The following PTPRT variants were observed in gnomAD, a reference collection of about 807,000 sequenced individuals.
PTPRT encodes the protein receptor-type tyrosine-protein phosphatase T.
Under a neutral mutation model 176.8 loss-of-function variants are expected in PTPRT, and 56 were observed. The ratio of observed to expected loss-of-function variants is 0.32; its 90% CI spans 0.26 to 0.40. PTPRT has a LOEUF of 0.40. Among genes scored for constraint, PTPRT ranks in the 10% least tolerant of loss-of-function variants. The probability of loss-of-function intolerance (pLI) is 1.00; values close to 1 mark genes in which losing one functional copy is unlikely to be tolerated. For missense variants in PTPRT, 1,540 were observed against 1,908.2 expected (o/e 0.81, Z 3.60); for synonymous variants, 783 against 739.0 (o/e 1.06, Z -0.96).
chr20:42,425,384 G>C (rs1214131034), intron 9 of PTPRT, among the ~76,000 whole-genome samples: 1 of 152,194 alleles, frequency 6.6e-6, no homozygotes, highest in Non-Finnish European at 1.5e-5. Context: ...GAATTTTTAA[G>C]TTCCAAATGT....
intron 7 of PTPRT, among the ~76,000 whole-genome samples, chr20:42,543,051 G>A (rs1403867580): frequency 1.3e-5 from 2 of 152,232 alleles, no homozygotes; most frequent in East Asian, 3.8e-4. Context: ...TTGTCTCGAT[G>A]TTGATGGCTG....
intron 3 of PTPRT, among the ~76,000 whole-genome samples, chr20:42,787,749 A>T (rs990137757): frequency 2.0e-5 from 3 of 152,216 alleles, no homozygotes; most frequent in Non-Finnish European, 4.4e-5. Context: ...CCTTAGTATT[A>T]TAAAAAGTAA....
At chr20:43,011,444 A>ACC (rs1985118189) in intron 1 of PTPRT, among the ~76,000 whole-genome samples, 1 of 152,222 alleles carries the variant, frequency 6.6e-6, no homozygotes, top group African/African-American at 2.4e-5. Flanking sequence ...GCCAGAAGTA[A>ACC]GACCCACCAG....
intron 17 of PTPRT, among the ~76,000 whole-genome samples, chr20:42,158,551 CTT>C (rs1989454036): frequency 6.6e-6 from 1 of 152,090 alleles, no homozygotes. Context: ...GCTCAGGAGT[CTT>C]TTATCTGCAA....
intron 6 of PTPRT, among the ~76,000 whole-genome samples, chr20:42,754,595 C>T (rs2076804902): frequency 6.6e-6 from 1 of 152,180 alleles, no homozygotes; most frequent in African/African-American, 2.4e-5. Flanking sequence ...ACAAATTAAT[C>T]TTATGGCATC....
chr20:43,143,434 A>C (rs941556141), intron 1 of PTPRT, among the ~76,000 whole-genome samples: 1 of 152,188 alleles, frequency 6.6e-6, no homozygotes, highest in Non-Finnish European at 1.5e-5. Flanking sequence ...GCATTCATTC[A>C]TTCAACAAAA....
intron 14 of PTPRT, among the ~76,000 whole-genome samples, chr20:42,247,250 C>T (rs1315027967): frequency 6.6e-6 from 1 of 152,102 alleles, no homozygotes; most frequent in Non-Finnish European, 1.5e-5. Context: ...CAGTTTAATG[C>T]CCTGGCCAGA....
At chr20:42,984,794 G>T (rs1301978392) in intron 1 of PTPRT, among the ~76,000 whole-genome samples, 1 of 152,206 alleles carries the variant, frequency 6.6e-6, no homozygotes, top group Admixed American at 6.5e-5. Flanking sequence ...CATTCTCCTT[G>T]TATGATGCCA....
chr20:42,766,218 T>C (rs2076980598), intron 5 of PTPRT, among the ~76,000 whole-genome samples: 1 of 152,090 alleles, frequency 6.6e-6, no homozygotes, highest in Non-Finnish European at 1.5e-5. Context: ...GCTTGAAAAA[T>C]TGCTTGCAAA....
At chr20:42,948,973 C>A (rs1981062266) in intron 1 of PTPRT, among the ~76,000 whole-genome samples, 1 of 152,188 alleles carries the variant, frequency 6.6e-6, no homozygotes, top group African/African-American at 2.4e-5. Context: ...ATTAAAAGAG[C>A]TGCTCACCAT....
chr20:43,039,447 G>A (rs1986517598), intron 1 of PTPRT, among the ~76,000 whole-genome samples: 1 of 151,484 alleles, frequency 6.6e-6, no homozygotes, highest in African/African-American at 2.4e-5. Context: ...AGGAAGAGAG[G>A]AAAGGAAGAA....
chr20:42,833,855 C>G lies in PTPRT; in HGVS notation c.215-42389G>C, dbSNP rs565132338. On this transcript the variant is annotated intron_variant, in intron 2 of 30. Transcript: ENST00000373187. ...AGGAGGACCCTTGACCTATACCTCTCACTATATGTAAAAGTTTACTCAAAA... is the reference window on the plus strand; with the variant it reads ...AGGAGGACCCTTGACCTATACCTCTGACTATATGTAAAAGTTTACTCAAAA... 6.6e-5 allele frequency among the ~76,000 whole-genome samples: 10 copies of G among 152,276 alleles called. No homozygotes were observed. In the South Asian group the frequency reaches 1.5e-3, roughly 22 times the overall value.
At position 42,756,480 on chromosome 20, in the gene PTPRT, C is replaced by T; in HGVS notation, c.841G>A (p.Ala281Thr). 1.3e-6 allele frequency: 2 copies of T among 1,584,518 alleles called. No individual in the cohort carries two copies. The highest frequency in any genetic ancestry group is 1.7e-6 in the Non-Finnish European group (2 of 1,161,958). ...SDGGSGVSNYAELIVKEPPTP... is the reference protein window; with the variant it reads ...SDGGSGVSNYTELIVKEPPTP... The stretch of plus-strand genomic sequence containing the variant: ...CACTCACCTTTCACGATCAGCTCCG[C>T]GTAGTTGGACACACCAGACCCACCA... The change falls in exon 6 of 31, where the codon GCG becomes ACG. Residue 281 changes from alanine to threonine, a missense_variant. Ala to Thr is a moderately conservative substitution (Grantham distance 58). Around this residue, in one of 11 missense-constraint regions of PTPRT, gnomAD observed 273 missense variants for 432.1 expected, o/e 0.63. Coordinates refer to ENST00000373187, the MANE Select transcript of PTPRT (RefSeq NM_007050.6).
At chr20:42,712,632 T>C (rs1451755388) in intron 6 of PTPRT, among the ~76,000 whole-genome samples, 2 of 152,182 alleles carry the variant, frequency 1.3e-5, no homozygotes, top group African/African-American at 4.8e-5. Context: ...AAGTGATATG[T>C]AAGGTGATTT....
At chr20:42,941,548 C>T (rs185674779) in intron 1 of PTPRT, among the ~76,000 whole-genome samples, 36 of 152,284 alleles carry the variant, frequency 2.4e-4, no homozygotes, top group African/African-American at 7.7e-4. Flanking sequence ...CACAAATAGT[C>T]CTTCTTTTCA....
intron 1 of PTPRT, among the ~76,000 whole-genome samples, chr20:42,899,025 A>T (rs2079353714): frequency 6.6e-6 from 1 of 152,130 alleles, no homozygotes; most frequent in Non-Finnish European, 1.5e-5. Context: ...CAGGGATTCC[A>T]ATGCTCTATC....
chr20:42,139,294 C>A, intron 18 of PTPRT, among the ~76,000 whole-genome samples: 1 of 152,158 alleles, frequency 6.6e-6, no homozygotes, highest in East Asian at 1.9e-4. Context: ...TATTTAAACC[C>A]ATCAAGGTGG....
chr20:42,187,151 C>T (rs1990814361), intron 16 of PTPRT, among the ~76,000 whole-genome samples: 1 of 152,146 alleles, frequency 6.6e-6, no homozygotes, highest in African/African-American at 2.4e-5. Context: ...AGCTTCTACA[C>T]ACACCTCTAC....
chr20:42,782,942 C>T (rs1383831995), intron 3 of PTPRT, among the ~76,000 whole-genome samples: 1 of 152,128 alleles, frequency 6.6e-6, no homozygotes, highest in East Asian at 1.9e-4. Flanking sequence ...ACTTTGACTA[C>T]TAATCGTATA....
Sources: allele counts gnomAD v4.1 joint callset (sites outside exome capture counted in the v4.1 genomes callset), GRCh38; gene constraint gnomAD v4.1.1; regional missense constraint gnomAD v4.1.1; transcripts MANE v1.5; gene names NCBI Gene and HGNC (gene_info 2026-07-23, HGNC 2026-07-21).